The following CEP120 variants were observed in gnomAD, a reference collection of about 807,000 sequenced individuals.
CEP120 encodes the protein centrosomal protein 120, also known as centrosomal protein of 120 kDa.
CEP120 carries 113 observed loss-of-function variants against 126.5 expected under a neutral mutation model. The ratio of observed to expected loss-of-function variants is 0.89; its 90% CI spans 0.77 to 1.04. The LOEUF (loss-of-function observed/expected upper bound fraction) is 1.04. Among genes scored for constraint, CEP120 ranks in the 50% least tolerant of loss-of-function variants. The pLI is 0.00. For missense variants in CEP120, 1,230 were observed against 1,155.7 expected (o/e 1.06, Z -0.93); for synonymous variants, 400 against 394.3 (o/e 1.01, Z -0.17).
At chr5:123,368,441 A>G (rs1379604485) in intron 17 of CEP120, among the ~76,000 whole-genome samples, 1 of 151,990 alleles carries the variant, frequency 6.6e-6, no homozygotes, top group Non-Finnish European at 1.5e-5. Context: ...TTATCAAAAG[A>G]GAAATGGGAA....
intron 6 of CEP120, 136 bp from the exon 7 acceptor site, chr5:123,391,473 T>G: frequency 1.5e-6 from 1 of 652,266 alleles, no homozygotes; most frequent in East Asian, 2.8e-5. Context: ...TGACCTCAAG[T>G]GACGAAGTAA....
At position 123,391,267 on chromosome 5, in the gene CEP120, C is replaced by T; in HGVS notation, c.881G>A (p.Gly294Asp). The change falls in exon 7 of 20, where the codon GGC (glycine) becomes GAC (aspartate). Residue 294 changes from glycine (G) to aspartate (D), a missense_variant. Gly to Asp is a moderately conservative substitution (Grantham distance 94). Transcript: ENST00000306467. ...EIPLTGLLKK[G>D]STEINQHPVT... ...TGGGTGCTGGTTGATTTCTGTACTG[C>T]CCTTTTTAAGTAATCCAGTTAAAGG... 1 of 1,614,130 alleles carries T rather than the reference C, an allele frequency of 6.2e-7. No individual in the cohort carries two copies. Among genetic ancestry groups the T allele is most frequent in the South Asian group, 1.1e-5 (1 of 91,078 alleles).
Position 123,393,317 on chromosome 5 carries a change from G to T in CEP120, c.793C>A (p.Leu265Ile), listed in dbSNP as rs1177398721. 1 of 1,614,136 alleles carries T rather than the reference G, an allele frequency of 6.2e-7. No individual in the cohort carries two copies. The highest frequency in any genetic ancestry group is 1.7e-5 in the Admixed American group (1 of 60,026). Residue 265 changes from leucine (L) to isoleucine (I), a missense_variant, in exon 6 of 20, where the codon CTT (leucine) becomes ATT (isoleucine). By Grantham distance (5) the Leu-to-Ile change is conservative (BLOSUM62 2). Coordinates refer to ENST00000306467, the MANE Select transcript of CEP120 (RefSeq NM_001375405.1). ...ATACTCACCTGCAGTTTAGACTGAAGAGCCAGGTAAACACGAAGAATTTCT... is the reference window on the plus strand; with the variant it reads ...ATACTCACCTGCAGTTTAGACTGAATAGCCAGGTAAACACGAAGAATTTCT... ...SVEILRVYLA[L>I]QSKLQIHLCC... is the part of the protein sequence containing the mutation.
chr5:123,361,281 G>T (rs74399558), intron 18 of CEP120, among the ~76,000 whole-genome samples: 1 of 151,748 alleles, frequency 6.6e-6, no homozygotes, highest in Non-Finnish European at 1.5e-5. Context: ...GACAAATGTG[G>T]TGATAGCCCC....
At chr5:123,420,622 C>CT (rs1173551020) in intron 1 of CEP120, among the ~76,000 whole-genome samples, 2 of 152,108 alleles carry the variant, frequency 1.3e-5, no homozygotes, top group Non-Finnish European at 2.9e-5. Flanking sequence ...CACTGAAGGA[C>CT]TTTAAGAAAA....
rs748393993 is a variant in CEP120 at position 123,418,451 on chromosome 5, C to T, written c.114G>A (p.Gln38=). 20 of 1,612,380 alleles carry T rather than the reference C, an allele frequency of 1.2e-5. No homozygotes were observed. In the Admixed American group the frequency reaches 2.2e-4, roughly 17 times the overall value. The part of the protein sequence containing the change: ...LVVEAKFDGE[Q]LATDPVDHTD... ...TGTGGTCCACAGGATCAGTAGCCAA[C>T]TGTTCTCCATCAAACTTTGCTTCCA... is the stretch of plus-strand genomic sequence containing the variant. Residue 38 remains glutamine (Q), a synonymous_variant, in exon 2 of 20, where the codon CAG becomes CAA. Transcript: ENST00000306467.
chr5:123,354,949 C>A (rs1182125864), intron 18 of CEP120, among the ~76,000 whole-genome samples: 6 of 151,120 alleles, frequency 4.0e-5, no homozygotes, highest in Non-Finnish European at 8.8e-5. Flanking sequence ...CCCCACCCCA[C>A]AACAGTCCCC....
At chr5:123,377,623 T>C in intron 15 of CEP120, 88 bp from the exon 16 acceptor site, 2 of 983,178 alleles carry the variant, frequency 2.0e-6, no homozygotes, top group Non-Finnish European at 2.9e-6. Flanking sequence ...TACACTCAAA[T>C]GTTGAGGATA....
At chr5:123,364,623 AAAC>A in intron 17 of CEP120, 29 bp from the exon 18 acceptor site, 1 of 1,367,902 alleles carries the variant, frequency 7.3e-7, no homozygotes, top group Non-Finnish European at 1.0e-6. Context: ...ATATCAAGTG[AAAC>A]ACTATACCAC....
At position 123,403,916 on chromosome 5, in the gene CEP120, T is replaced by C. The variant is rs938340271; in HGVS notation, c.464-4632A>G. Among the ~76,000 whole-genome samples, 3 of 152,232 alleles carry C rather than the reference T, an allele frequency of 2.0e-5. No homozygotes were observed. In the South Asian group the frequency reaches 6.2e-4, roughly 31 times the overall value. Reference sequence around the variant, plus strand: ...AACATCTAATTCTAAACTAAATCCTTTTCCTATAAAGGAAATTATTGGGAA... The same window carrying C: ...AACATCTAATTCTAAACTAAATCCTCTTCCTATAAAGGAAATTATTGGGAA... On this transcript the variant is annotated intron_variant, in intron 4 of 19. Coordinates refer to ENST00000306467, the MANE Select transcript of CEP120 (RefSeq NM_001375405.1).
chr5:123,377,592 C>G, intron 15 of CEP120, 57 bp from the exon 16 acceptor site: 1 of 1,315,814 alleles, frequency 7.6e-7, no homozygotes, highest in Non-Finnish European at 1.0e-6. Context: ...TTATACTATT[C>G]GATATTCCAA....
chr5:123,372,528 T>G, intron 17 of CEP120, 122 bp downstream of exon 17: 1 of 993,670 alleles, frequency 1.0e-6, no homozygotes. Context: ...AATTCTCTAA[T>G]GCATTCTTAT....
At chr5:123,404,190 CTGAGA>C (rs1366908440) in intron 4 of CEP120, among the ~76,000 whole-genome samples, 1 of 152,102 alleles carries the variant, frequency 6.6e-6, no homozygotes, top group Non-Finnish European at 1.5e-5. Flanking sequence ...TTGGGGAAGA[CTGAGA>C]TTATTTCACA....
In CEP120 at chr5:123,401,730, T is replaced by C. The variant is rs569981866; in HGVS notation, c.464-2446A>G. ...CGAGACTCCAGCTCTACCTTGTTAA[T>C]GTAAGCTTCATCCACAATCCTTCTT... On this transcript the variant is annotated intron_variant, in intron 4 of 19. Coordinates refer to ENST00000306467, the MANE Select transcript of CEP120 (RefSeq NM_001375405.1). 4.3e-5 allele frequency: 53 copies of C among 1,244,140 alleles called. No individual in the cohort carries two copies. The African/African-American group carries it at 9.6e-4, about 23-fold the overall frequency. The allele number at this position is 1,244,140 out of a possible 1,614,324, so 77.1% of individuals were successfully genotyped here.
chr5:123,348,584 T>C (rs1268476312), intron 19 of CEP120, among the ~76,000 whole-genome samples: 10 of 152,246 alleles, frequency 6.6e-5, no homozygotes, highest in Non-Finnish European at 1.5e-5. Flanking sequence ...CTTTTAAATA[T>C]AGTTATTTAA....
intron 1 of CEP120, among the ~76,000 whole-genome samples, chr5:123,420,366 C>A (rs1774643473): frequency 6.6e-6 from 1 of 152,174 alleles, no homozygotes; most frequent in African/African-American, 2.4e-5. Context: ...TCCTTGGAAT[C>A]TAGTACATAG....
chr5:123,360,673 A>AGAGGGTAGGAAATACAC (rs1554100226), intron 18 of CEP120, among the ~76,000 whole-genome samples: 2 of 151,366 alleles, frequency 1.3e-5, no homozygotes, highest in South Asian at 2.1e-4. Flanking sequence ...AGGAAATACA[A>AGAGGGTAGGAAATACAC]AAGAAGAAGG....
At chr5:123,359,751 G>A (rs916645315) in intron 18 of CEP120, among the ~76,000 whole-genome samples, 3 of 151,852 alleles carry the variant, frequency 2.0e-5, no homozygotes, top group Admixed American at 6.6e-5. Flanking sequence ...CCACTGGTAC[G>A]GTTGTGAATC....
chr5:123,378,400 T>C lies in CEP120; in HGVS notation c.2132A>G (p.Lys711Arg), dbSNP rs765835879. Residue 711 changes from lysine to arginine, a missense_variant, in exon 15 of 20, where the codon AAA becomes AGA. Transcript: ENST00000306467. Reference protein sequence around the residue: ...KVAEYTILEGKLQKTLIDLEK... With the variant: ...KVAEYTILEGRLQKTLIDLEK... ...CAAGTCAATTAGAGTTTTTTGAAGT[T>C]TTCCTTCTAGAATAGTATATTCAGC... is the stretch of plus-strand genomic sequence containing the variant. The C allele has an allele frequency of 7.5e-6, 12 of 1,607,142 alleles. No homozygotes were observed. The highest frequency in any genetic ancestry group is 1.0e-5 in the Non-Finnish European group (12 of 1,177,156).
Sources: allele counts gnomAD v4.1 joint callset (sites outside exome capture counted in the v4.1 genomes callset), GRCh38; gene constraint gnomAD v4.1.1; transcripts MANE v1.5; gene names NCBI Gene and HGNC (gene_info 2026-07-23, HGNC 2026-07-21).